GRHL3: variants seen among roughly 807,000 people sequenced by gnomAD.
The protein encoded by GRHL3 is grainyhead like transcription factor 3.
GRHL3 carries 20 observed loss-of-function variants against 70.3 expected under a neutral mutation model. That is an observed-to-expected ratio of 0.28 (90% CI 0.20 to 0.41). The LOEUF (loss-of-function observed/expected upper bound fraction) is 0.41. GRHL3 is among the 10% of genes least tolerant of loss of function. The pLI, the probability that GRHL3 is intolerant of heterozygous loss-of-function variation, is 1.00. For synonymous variants in GRHL3, 299 were observed against 299.9 expected (o/e 1.00, Z 0.03); for missense variants, 637 against 762.3 (o/e 0.84, Z 1.94).
At chr1:24,329,461 C>T (rs910824350) in intron 1 of GRHL3, among the ~76,000 whole-genome samples, 5 of 152,218 alleles carry the variant, frequency 3.3e-5, no homozygotes, top group Admixed American at 3.3e-4. Context: ...AGACTGCACC[C>T]CTGCATCAAC....
intron 15 of GRHL3, among the ~76,000 whole-genome samples, chr1:24,351,341 T>C (rs576475723): frequency 9.9e-5 from 15 of 152,238 alleles, no homozygotes; most frequent in African/African-American, 3.4e-4. Flanking sequence ...CCTTGGTTCC[T>C]TCCTAGCCTT....
Position 24,319,500 on chromosome 1 carries a change from C to T in GRHL3, c.-52C>T, listed in dbSNP as rs1005981613. The T allele has an allele frequency of 1.3e-6, 2 of 1,518,298 alleles. No individual in the cohort carries two copies. Among genetic ancestry groups the T allele is most frequent in the African/African-American group, 2.7e-5 (2 of 72,974 alleles). The allele number at this position is 1,518,298 out of a possible 1,614,324, so 94.1% of individuals were successfully genotyped here. ...GTCTGTGTCAGGCAAGAATTAGAGA[C>T]AAGCGGTCAGCAGAGCCTCAGTGCT... On this transcript the variant is annotated 5_prime_UTR_variant, in exon 1 of 16. Transcript: ENST00000361548.
chr1:24,322,428 C>T lies in GRHL3; in HGVS notation c.17+2860C>T, dbSNP rs961948650. Among the ~76,000 whole-genome samples the T allele has an allele frequency of 6.6e-6, 1 of 152,178 alleles. No homozygotes were observed. The highest frequency in any genetic ancestry group is 6.5e-5 in the Admixed American group (1 of 15,280). ...CGCCTCCCCGCTGTGGTTTTGTGGTCGAAACCATGATTGCCAGGAGCAAAT... is the reference window on the plus strand; with the variant it reads ...CGCCTCCCCGCTGTGGTTTTGTGGTTGAAACCATGATTGCCAGGAGCAAAT... On this transcript the variant is annotated intron_variant, in intron 1 of 15. Transcript: ENST00000361548. The surrounding 1 kb of genome is among the most constrained non-coding windows in gnomAD (Gnocchi z 4.4).
chr1:24,351,418 G>A lies in GRHL3; in HGVS notation c.1694+1296G>A, dbSNP rs1433905959. ...GCCCCTGGGAAGGGGGTTTTTTTTG[G>A]TTTTAGCTGCATGCATGTCTAGAGT... On this transcript the variant is annotated intron_variant, in intron 15 of 15. Coordinates refer to ENST00000361548, the MANE Select transcript of GRHL3 (RefSeq NM_198173.3). Among the ~76,000 whole-genome samples, 6 of 152,008 alleles carry A rather than the reference G, an allele frequency of 3.9e-5. No homozygotes were observed. In the East Asian group the frequency reaches 1.2e-3, roughly 29 times the overall value.
intron 5 of GRHL3, 122 bp from the exon 6 acceptor site, chr1:24,337,514 G>A (rs1639868877): frequency 1.9e-6 from 2 of 1,050,320 alleles, no homozygotes; most frequent in South Asian, 1.6e-5. Context: ...AAGGAAGTAA[G>A]GTTATTTTCC....
intron 15 of GRHL3, among the ~76,000 whole-genome samples, chr1:24,354,144 C>T (rs1232752562): frequency 6.6e-6 from 1 of 152,164 alleles, no homozygotes; most frequent in Admixed American, 6.5e-5. Context: ...AGTGTGGGGG[C>T]CAGCAGGCCT....
At chr1:24,344,817 T>G in intron 11 of GRHL3, 80 bp from the exon 12 acceptor site, 2 of 1,540,210 alleles carry the variant, frequency 1.3e-6, no homozygotes, top group Non-Finnish European at 1.8e-6. Flanking sequence ...AAAATATTCC[T>G]CCCAGAGAGC....
chr1:24,345,647 A>T (rs962586099), intron 12 of GRHL3, among the ~76,000 whole-genome samples: 7 of 152,078 alleles, frequency 4.6e-5, no homozygotes, highest in African/African-American at 1.7e-4. Context: ...CTTCCCCAAC[A>T]CACCCCCACT....
downstream of GRHL3, chr1:24,358,570 C>T (rs1019577093): frequency 1.9e-6 from 3 of 1,614,030 alleles, no homozygotes; most frequent in Admixed American, 3.3e-5. Flanking sequence ...ATTTCTTGTC[C>T]TCGTTGTAGA....
At position 24,322,009 on chromosome 1, in the gene GRHL3, G is replaced by C. The variant is rs571474369; in HGVS notation, c.17+2441G>C. 9.9e-5 allele frequency: 15 copies of C among 152,250 alleles called. No individual in the cohort carries two copies. The East Asian group carries it at 2.9e-3, about 30-fold the overall frequency. The allele number at this position is 152,250 out of a possible 1,614,324, so 9.4% of individuals were successfully genotyped here. ...AGCCGGCGCCCGCGAGCTGCCCAGC[G>C]TCGGGTTTTCCTGAAGGTGCGTCGG... On this transcript the variant is annotated intron_variant, in intron 1 of 15. Coordinates refer to ENST00000361548, the MANE Select transcript of GRHL3 (RefSeq NM_198173.3). This position sits in a 1 kb window ranked among gnomAD's most constrained non-coding sequence, Gnocchi z 4.4.
In GRHL3 at chr1:24,336,777, C is replaced by G. The variant is rs1195215607; in HGVS notation, c.562C>G (p.Pro188Ala). 19 of 1,613,034 alleles carry G rather than the reference C, an allele frequency of 1.2e-5. No homozygotes were observed. The highest frequency in any genetic ancestry group is 1.4e-5 in the Non-Finnish European group (16 of 1,179,522). ...SLFESIHGVP[P>A]TQRWQPDSTF... ...GTTTGAGAGCATTCATGGGGTGCCG[C>G]CCACACAGCGCTGGCAGCCAGACAG... Residue 188 changes from proline (P) to alanine (A), a missense_variant, in exon 4 of 16, where the codon CCC becomes GCC. Physicochemically the swap from Pro to Ala is conservative, Grantham distance 27 (BLOSUM62 -1). Around this residue, in one of 2 missense-constraint regions of GRHL3, gnomAD observed 250 missense variants for 248.6 expected, o/e 1.01. Coordinates refer to ENST00000361548, the MANE Select transcript of GRHL3 (RefSeq NM_198173.3).
intron 7 of GRHL3, 32 bp downstream of exon 7, chr1:24,338,135 C>G: frequency 7.1e-7 from 1 of 1,417,156 alleles, no homozygotes; most frequent in Non-Finnish European, 9.8e-7. Flanking sequence ...CATTCCAGCT[C>G]CCCTCTCTCT....
intron 2 of GRHL3, among the ~76,000 whole-genome samples, chr1:24,333,132 G>T (rs2148653189): frequency 6.6e-6 from 1 of 152,344 alleles, no homozygotes. Context: ...CTCTGAAGGT[G>T]ACATTGATAA....
rs948062818 is a variant in GRHL3, at chr1:24,334,817, C to G, written c.266+111C>G. ...GGCACAGGAGGCACAGTGCTGAGGG[C>G]CCACAACACATTTTGGGATTCATGA... On this transcript the variant is annotated intron_variant, in intron 3 of 15. Coordinates refer to ENST00000361548, the MANE Select transcript of GRHL3 (RefSeq NM_198173.3). The surrounding 1 kb of genome is among the most constrained non-coding windows in gnomAD (Gnocchi z 4.3). 22 of 592,006 alleles carry G rather than the reference C, an allele frequency of 3.7e-5. No homozygotes were observed. The highest frequency in any genetic ancestry group is 5.8e-5 in the Non-Finnish European group (20 of 346,662). The allele number at this position is 592,006 out of a possible 1,614,324, so 36.7% of individuals were successfully genotyped here. A position where few individuals can be genotyped will look rare whatever the true frequency, so the allele number is the denominator to read the frequency against.
At position 24,351,178 on chromosome 1, in the gene GRHL3, G is replaced by C. The variant is rs376175371; in HGVS notation, c.1694+1056G>C. Among the ~76,000 whole-genome samples, 17 of 152,336 alleles carry C rather than the reference G, an allele frequency of 1.1e-4. No individual in the cohort carries two copies. The East Asian group carries it at 3.3e-3, about 29-fold the overall frequency. ...GCTAGTAGCCCCTTGGAGGTGCTCA[G>C]CCACTTGCCCCGTGGCTACTGCAAG... On this transcript the variant is annotated intron_variant, in intron 15 of 15. Transcript: ENST00000361548.
chr1:24,320,635 G>A (rs1639144831), intron 1 of GRHL3, among the ~76,000 whole-genome samples: 1 of 152,210 alleles, frequency 6.6e-6, no homozygotes. Flanking sequence ...AGATCTGTGG[G>A]CAGACAGCAG....
intron 2 of GRHL3, among the ~76,000 whole-genome samples, chr1:24,332,630 G>C (rs1362917335): frequency 6.6e-6 from 1 of 152,158 alleles, no homozygotes; most frequent in Non-Finnish European, 1.5e-5. Context: ...CCCTGGGCTG[G>C]GTAACTGCTC....
intron 2 of GRHL3, among the ~76,000 whole-genome samples, chr1:24,333,038 G>A (rs1461179533): frequency 6.6e-6 from 1 of 152,232 alleles, no homozygotes; most frequent in Non-Finnish European, 1.5e-5. Flanking sequence ...GGATTTATAG[G>A]TTGAGGATCG....
Position 24,342,901 on chromosome 1 carries a change from G to A in GRHL3, c.1295G>A (p.Gly432Asp), listed in dbSNP as rs1281509789. The change falls in exon 11 of 16, where the codon GGC becomes GAC. Residue 432 changes from glycine to aspartate, a missense_variant. Coordinates refer to ENST00000361548, the MANE Select transcript of GRHL3 (RefSeq NM_198173.3). The surrounding 1 kb of genome is among the most constrained non-coding windows in gnomAD (Gnocchi z 4.8). ...TTCCTTCTCCCATCAGGCGTCAAGGGCTGCCTGCTGTCGGGCTTCAGGGGC... is the reference window on the plus strand; with the variant it reads ...TTCCTTCTCCCATCAGGCGTCAAGGACTGCCTGCTGTCGGGCTTCAGGGGC... The part of the protein sequence containing the change: ...CPDSSNSGVK[G>D]CLLSGFRGNE... 6.2e-7 allele frequency: 1 copy of A among 1,614,180 alleles called. No homozygotes were observed. The highest frequency in any genetic ancestry group is 2.2e-5 in the East Asian group (1 of 44,878).
Sources: allele counts gnomAD v4.1 joint callset (sites outside exome capture counted in the v4.1 genomes callset), GRCh38; gene constraint gnomAD v4.1.1; regional missense constraint gnomAD v4.1.1; non-coding constraint Gnocchi (gnomAD v3.1); transcripts MANE v1.5; gene names NCBI Gene and HGNC (gene_info 2026-07-23, HGNC 2026-07-21).